Variants in CCAR2 observed in about 807,000 individuals in gnomAD.
The protein encoded by CCAR2 is cell cycle and apoptosis regulator protein 2.
A neutral mutation model predicts 108.1 loss-of-function variants in CCAR2; 21 were observed. That is an observed-to-expected ratio of 0.19 (90% CI 0.14 to 0.28). The LOEUF (loss-of-function observed/expected upper bound fraction) is 0.28. Among genes scored for constraint, CCAR2 ranks in the 10% least tolerant of loss-of-function variants. CCAR2 has a pLI of 1.00. For missense variants in CCAR2, 1,126 were observed against 1,177.0 expected, an observed-to-expected ratio of 0.96 and a Z score of 0.63; for synonymous variants, 577 against 472.8, an observed-to-expected ratio of 1.22 and a Z score of -2.86.
intron 7 of CCAR2, 79 bp from the exon 8 acceptor site, chr8:22,612,938 T>C (rs1408727414): frequency 2.1e-6 from 3 of 1,456,124 alleles, no homozygotes; most frequent in East Asian, 2.4e-5. Context: ...TTCGATTGTT[T>C]CCAGTTCTTT....
chr8:22,612,077 C>T (rs1471028202), intron 7 of CCAR2, among the ~76,000 whole-genome samples: 1 of 151,788 alleles, frequency 6.6e-6, no homozygotes, highest in East Asian at 1.9e-4. Flanking sequence ...TCCCGAGTAG[C>T]TGGGATTACA....
intron 20 of CCAR2, 125 bp from the exon 21 acceptor site, chr8:22,619,513 T>A (rs1349715018): frequency 7.1e-7 from 1 of 1,410,618 alleles, no homozygotes; most frequent in African/African-American, 1.4e-5. Context: ...TGGTTGCAGG[T>A]TCTCTGGGAA....
At chr8:22,607,911 C>T in intron 6 of CCAR2, 58 bp from the exon 7 acceptor site, 1 of 1,387,998 alleles carries the variant, frequency 7.2e-7, no homozygotes, top group South Asian at 1.2e-5. Flanking sequence ...CAGGTGTGAG[C>T]TATTGCACCC....
At chr8:22,617,835 T>G in intron 16 of CCAR2, 57 bp downstream of exon 16, 1 of 1,544,582 alleles carries the variant, frequency 6.5e-7, no homozygotes, top group Non-Finnish European at 8.9e-7. Context: ...TGGCAAGGCC[T>G]CTGGCCCACT....
intron 7 of CCAR2, among the ~76,000 whole-genome samples, chr8:22,608,441 A>G (rs1242353711): frequency 6.6e-6 from 1 of 152,216 alleles, no homozygotes; most frequent in Non-Finnish European, 1.5e-5. Context: ...AGAACACTGC[A>G]GTATCTGTTC....
chr8:22,617,458 G>C lies in CCAR2; in HGVS notation c.1884G>C (p.Gly628=), dbSNP rs1453626084. The C allele has an allele frequency of 1.9e-6, 3 of 1,599,038 alleles. No homozygotes were observed. The highest frequency in any genetic ancestry group is 1.3e-5 in the African/African-American group (1 of 74,270). ...TTTTGCCCAAACCACTCTCTTCTGG[G>C]GGAGAGGAAGAAGAAAAACCCCGGG... ...DGLLPKPLSS[G]GEEEEKPRGE... is the part of the protein sequence containing the mutation. Residue 628 remains glycine, a synonymous_variant, in exon 15 of 21, where the codon GGG becomes GGC. Transcript: ENST00000308511.
rs748809061 is a variant in CCAR2, at chr8:22,617,658, G to A, written c.1991-38G>A. ...TTTCATTTTTGTACTGTGGAGTTGG[G>A]TGGGCCCTGCTCTCCATTTATCTTG... On this transcript the variant is annotated intron_variant, in intron 15 of 20. Transcript: ENST00000308511. The A allele has an allele frequency of 5.6e-6, 9 of 1,614,146 alleles. No individual in the cohort carries two copies. The East Asian group carries it at 1.6e-4, about 28-fold the overall frequency.
At chr8:22,610,816 C>G (rs1321264232) in intron 7 of CCAR2, among the ~76,000 whole-genome samples, 1 of 152,210 alleles carries the variant, frequency 6.6e-6, no homozygotes. Flanking sequence ...GTTACCCAGG[C>G]ACAGAGAAAT....
At position 22,610,860 on chromosome 8, in the gene CCAR2, G is replaced by T. The variant is rs2117431815; in HGVS notation, c.585-2157G>T. Among the ~76,000 whole-genome samples, 3 of 152,252 alleles carry T rather than the reference G, an allele frequency of 2.0e-5. No homozygotes were observed. The East Asian group carries it at 5.8e-4, about 29-fold the overall frequency. ...GTTTTATTTCTCTCATGTGACATGG[G>T]GGGTTTTCCCCTTATCAGTCTGGCA... On this transcript the variant is annotated intron_variant, in intron 7 of 20. Coordinates refer to ENST00000308511, the MANE Select transcript of CCAR2 (RefSeq NM_001393997.1).
intron 11 of CCAR2, 61 bp downstream of exon 11, chr8:22,615,062 G>T: frequency 6.8e-7 from 1 of 1,477,576 alleles, no homozygotes; most frequent in African/African-American, 1.4e-5. Context: ...GTTTTGTTGG[G>T]AAGGCCCGGT....
downstream of CCAR2, chr8:22,621,080 T>C: frequency 4.2e-6 from 1 of 239,782 alleles, no homozygotes; most frequent in South Asian, 7.9e-5. Flanking sequence ...CCACAACGCA[T>C]GCAAGGCTAA....
At chr8:22,618,040 G>T (rs1316312365) in intron 16 of CCAR2, 2 of 592,166 alleles carry the variant, frequency 3.4e-6, no homozygotes, top group African/African-American at 3.7e-5. Context: ...GGGCCAGAGA[G>T]GAAGGCTGGC....
chr8:22,614,121 G>A lies in CCAR2; in HGVS notation c.734G>A (p.Arg245His), dbSNP rs1252438139. The change falls in exon 9 of 21, where the codon CGC (arginine) becomes CAC (histidine). Residue 245 changes from arginine (R) to histidine (H), a missense_variant. Transcript: ENST00000308511. Reference protein sequence around the residue: ...SPICDFLELQRRYRSLLVPSD... With the variant: ...SPICDFLELQHRYRSLLVPSD... ...ATCTGTGACTTCCTAGAACTCCAGC[G>A]CCGTTACCGCAGCCTCCTGGTCCCC... The A allele has an allele frequency of 1.9e-6, 3 of 1,613,914 alleles. No homozygotes were observed. Among genetic ancestry groups the A allele is most frequent in the Non-Finnish European group, 2.5e-6 (3 of 1,180,018 alleles).
Position 22,615,283 on chromosome 8 carries a change from G to T in CCAR2, c.1206-142G>T. The T allele has an allele frequency of 5.5e-6, 6 of 1,097,762 alleles. No homozygotes were observed. In the South Asian group the frequency reaches 7.5e-5, roughly 14 times the overall value. The allele number at this position is 1,097,762 out of a possible 1,614,324, so 68.0% of individuals were successfully genotyped here. ...TCATTTCTTGAGGACTTGGTCTGTAGCTTTCCTGTTGTGTCTTCAAAGCTT... is the reference window on the plus strand; with the variant it reads ...TCATTTCTTGAGGACTTGGTCTGTATCTTTCCTGTTGTGTCTTCAAAGCTT... On this transcript the variant is annotated intron_variant, in intron 11 of 20. Coordinates refer to ENST00000308511, the MANE Select transcript of CCAR2 (RefSeq NM_001393997.1).
intron 7 of CCAR2, chr8:22,612,591 A>G (rs1172028978): frequency 6.5e-6 from 1 of 153,876 alleles, no homozygotes; most frequent in East Asian, 1.9e-4. Flanking sequence ...GACGCATAGC[A>G]TGGATCCATA....
intron 8 of CCAR2, among the ~76,000 whole-genome samples, chr8:22,613,498 C>A (rs187968747): frequency 1.3e-5 from 2 of 151,934 alleles, no homozygotes; most frequent in African/African-American, 2.4e-5. Context: ...GTGTTTGTTG[C>A]GATCAATTTC....
At chr8:22,617,655 T>C in intron 15 of CCAR2, 41 bp from the exon 16 acceptor site, 1 of 1,613,908 alleles carries the variant, frequency 6.2e-7, no homozygotes, top group South Asian at 1.1e-5. Context: ...ACTGTGGAGT[T>C]GGGTGGGCCC....
At chr8:22,608,493 G>A (rs1451293260) in intron 7 of CCAR2, among the ~76,000 whole-genome samples, 1 of 152,208 alleles carries the variant, frequency 6.6e-6, no homozygotes, top group African/African-American at 2.4e-5. Context: ...ATACTCATCA[G>A]TATGCTGTTA....
At chr8:22,614,552 A>C in intron 10 of CCAR2, 49 bp downstream of exon 10, 2 of 1,507,056 alleles carry the variant, frequency 1.3e-6, no homozygotes, top group Non-Finnish European at 1.8e-6. Flanking sequence ...AATGTGCACA[A>C]CCTGTCATGT....
Sources: allele counts gnomAD v4.1 joint callset (sites outside exome capture counted in the v4.1 genomes callset), GRCh38; gene constraint gnomAD v4.1.1; transcripts MANE v1.5; gene names NCBI Gene and HGNC (gene_info 2026-07-23, HGNC 2026-07-21).